Variants in KCNJ18 observed in about 807,000 individuals in gnomAD.
The protein encoded by KCNJ18 is potassium inwardly rectifying channel subfamily J member 18.
In KCNJ18, 16 loss-of-function variants were observed where a neutral mutation model predicts 17.3. That is an observed-to-expected ratio of 0.92 (90% confidence interval 0.62 to 1.40). The LOEUF is 1.40. Ranked by LOEUF, KCNJ18 falls within the 40% of genes most tolerant of loss-of-function variation. KCNJ18 has a pLI of 0.00. For synonymous variants in KCNJ18, 185 were observed against 262.6 expected, an observed-to-expected ratio of 0.70 and a Z score of 2.86; for missense variants, 462 against 626.8, an observed-to-expected ratio of 0.74 and a Z score of 2.81.
rs1204737784 is a variant in KCNJ18, at chr17:21,700,614, T to C, written c.-56-2117T>C. Among the ~76,000 whole-genome samples the C allele has an allele frequency of 7.8e-3, 685 of 88,362 alleles. 21 individuals are homozygous for C. The highest frequency in any genetic ancestry group is 0.041 in the East Asian group (39 of 958). 58.0% of individuals were successfully genotyped at this position (88,362 alleles called of 152,430 possible). ...TGGAGCAGAGCTCAGAGGCCGCGCC[T>C]GCTCCGAGGCCCAGACTAGTGTGGA... On this transcript the variant is annotated intron_variant, in intron 2 of 2. Coordinates refer to ENST00000567955, the MANE Select transcript of KCNJ18 (RefSeq NM_001194958.2).
At chr17:21,696,876 G>A (rs1295036769) in intron 2 of KCNJ18, among the ~76,000 whole-genome samples, 91 of 152,280 alleles carry the variant, frequency 6.0e-4, no homozygotes, top group African/African-American at 2.2e-3. Flanking sequence ...AGGCCCAGGA[G>A]ACAAAGGTTC....
intron 1 of KCNJ18, among the ~76,000 whole-genome samples, chr17:21,695,168 C>A (rs1263906558): frequency 8.5e-5 from 13 of 152,180 alleles, no homozygotes; most frequent in African/African-American, 3.1e-4. Flanking sequence ...CTTATCCATC[C>A]ATCTATCCAA....
Position 21,703,518 on chromosome 17 carries a change from C to A in KCNJ18, c.732C>A (p.Ile244=). 5.0e-6 allele frequency: 8 copies of A among 1,604,938 alleles called. No homozygotes were observed. The South Asian group carries it at 7.8e-5, about 16-fold the overall frequency. ...KPRVTEEGEY[I]PLDQIDIDVG... is the part of the protein sequence containing the mutation. ...GGGTCACCGAGGAGGGCGAGTACAT[C>A]CCGCTGGACCAGATCGACATCGATG... The change falls in exon 3 of 3, where the codon ATC becomes ATA. Residue 244 remains isoleucine, a synonymous_variant. Coordinates refer to ENST00000567955, the MANE Select transcript of KCNJ18 (RefSeq NM_001194958.2).
rs527236158 is a variant in KCNJ18 at position 21,703,847 on chromosome 17, C to T, written c.1061C>T (p.Thr354Met). The T allele has an allele frequency of 2.9e-4, 467 of 1,611,970 alleles. No individual in the cohort carries two copies. The African/African-American group carries it at 5.1e-3, about 17-fold the overall frequency. The stretch of plus-strand genomic sequence containing the variant: ...CACAAGACCTATGAGGTGCCCTCTA[C>T]GCCCCGCTGCAGTGCGAAGGATCTG... ...HFHKTYEVPS[T>M]PRCSAKDLVE... The change falls in exon 3 of 3, where the codon ACG (threonine) becomes ATG (methionine). Residue 354 changes from threonine to methionine, a missense_variant. Physicochemically the swap from Thr to Met is moderately conservative, Grantham distance 81. Transcript: ENST00000567955.
At position 21,704,072 on chromosome 17, in the gene KCNJ18, G is replaced by C. The variant is rs1485306231; in HGVS notation, c.1286G>C (p.Arg429Pro). ...GTCCTGGAGCAGCGGCCCTACAGAC[G>C]GGGGTCAGAGATCTGAGCCAACCTT... ...GGVLEQRPYR[R>P]GSEI The change falls in exon 3 of 3, where the codon CGG (arginine) becomes CCG (proline). Residue 429 changes from arginine to proline, a missense_variant. Arg to Pro is a moderately radical substitution (Grantham distance 103). Around this residue, in one of 5 missense-constraint regions of KCNJ18, gnomAD observed 123 missense variants for 117.5 expected, o/e 1.05. Coordinates refer to ENST00000567955, the MANE Select transcript of KCNJ18 (RefSeq NM_001194958.2). The C allele has an allele frequency of 1.0e-5, 16 of 1,558,298 alleles. No individual in the cohort carries two copies. Among genetic ancestry groups the C allele is most frequent in the South Asian group, 3.7e-5 (3 of 82,154 alleles).
At chr17:21,701,212 G>A (rs1905937886) in intron 2 of KCNJ18, among the ~76,000 whole-genome samples, 2 of 152,334 alleles carry the variant, frequency 1.3e-5, no homozygotes, top group South Asian at 2.1e-4. Flanking sequence ...CACATCAGTG[G>A]CTGAGAGCAG....
chr17:21,700,090 A>G (rs1235988334), intron 2 of KCNJ18, among the ~76,000 whole-genome samples: 59 of 152,372 alleles, frequency 3.9e-4, no homozygotes, highest in Non-Finnish European at 7.3e-4. Flanking sequence ...GCACAGCCTC[A>G]GGGGTCCCCC....
intron 2 of KCNJ18, among the ~76,000 whole-genome samples, chr17:21,702,411 C>T (rs1377258251): frequency 3.3e-5 from 5 of 152,040 alleles, no homozygotes; most frequent in South Asian, 2.1e-4. Context: ...AGTTGTGCCC[C>T]GAACTGGCTG....
chr17:21,692,985 C>T (rs1310485653), intron 1 of KCNJ18, among the ~76,000 whole-genome samples: 4 of 152,306 alleles, frequency 2.6e-5, no homozygotes, highest in African/African-American at 7.2e-5. Flanking sequence ...GGATTTCAGC[C>T]CCATCCTCAG....
chr17:21,697,809 G>GGCCCCAGTC (rs1905811144), intron 2 of KCNJ18, among the ~76,000 whole-genome samples: 1 of 152,312 alleles, frequency 6.6e-6, no homozygotes, highest in Non-Finnish European at 1.5e-5. Flanking sequence ...AGGCCCCAGT[G>GGCCCCAGTC]CTGCATCTGA....
At position 21,692,672 on chromosome 17, in the gene KCNJ18, A is replaced by G. The variant is rs1905634692; in HGVS notation, c.-221A>G. ...GCTGCATCGTCTCTGTGGGACAGAT[A>G]CTGAAGCCAGGGCTTGGCTTACCCT... is the stretch of plus-strand genomic sequence containing the variant. On this transcript the variant is annotated 5_prime_UTR_variant, in exon 1 of 3. The change creates a new upstream start codon in the 5' untranslated region. Coordinates refer to ENST00000567955, the MANE Select transcript of KCNJ18 (RefSeq NM_001194958.2). 1 of 152,672 alleles carries G rather than the reference A, an allele frequency of 6.5e-6. No homozygotes were observed. The highest frequency in any genetic ancestry group is 2.4e-5 in the African/African-American group (1 of 41,494). The allele number at this position is 152,672 out of a possible 1,614,324, so 9.5% of individuals were successfully genotyped here.
intron 2 of KCNJ18, among the ~76,000 whole-genome samples, chr17:21,701,956 G>T (rs1597757482): frequency 6.6e-6 from 1 of 152,324 alleles, no homozygotes; most frequent in East Asian, 1.9e-4. Flanking sequence ...AAAAGAAAAT[G>T]TGCTACCCTT....
Position 21,702,967 on chromosome 17 carries a change from G to A in KCNJ18, c.181G>A (p.Asp61Asn). 1 of 1,595,652 alleles carries A rather than the reference G, an allele frequency of 6.3e-7. No homozygotes were observed. The highest frequency in any genetic ancestry group is 8.5e-7 in the Non-Finnish European group (1 of 1,172,984). The stretch of plus-strand genomic sequence containing the variant: ...GTGCAACATTGCGTTCGCCAACATG[G>A]ACGAGAAGTCACAGCGCTACCTGGC... ...GQCNIAFANM[D>N]EKSQRYLADM... The change falls in exon 3 of 3, where the codon GAC becomes AAC. Residue 61 changes from aspartate to asparagine, a missense_variant. This residue lies in a region of KCNJ18 where 237 missense variants were observed against 259.4 expected (regional missense o/e 0.91). Transcript: ENST00000567955.
chr17:21,697,259 TG>T, intron 2 of KCNJ18, among the ~76,000 whole-genome samples: 1 of 152,426 alleles, frequency 6.6e-6, no homozygotes, highest in South Asian at 2.1e-4. Flanking sequence ...CACCACCCCA[TG>T]CCCTGCACAC....
At chr17:21,694,268 G>A (rs1381465568) in intron 1 of KCNJ18, among the ~76,000 whole-genome samples, 2 of 152,036 alleles carry the variant, frequency 1.3e-5, no homozygotes, top group African/African-American at 4.8e-5. Context: ...GAGGTGAGAA[G>A]CATGTCAGGT....
At chr17:21,696,602 A>G (rs1905766258) in intron 2 of KCNJ18, among the ~76,000 whole-genome samples, 1 of 152,172 alleles carries the variant, frequency 6.6e-6, no homozygotes. Flanking sequence ...GCTTGGTCAG[A>G]GATGGGGCCT....
chr17:21,696,282 C>T (rs1905756933), intron 2 of KCNJ18, among the ~76,000 whole-genome samples, 178 bp downstream of exon 2: 1 of 151,956 alleles, frequency 6.6e-6, no homozygotes, highest in Admixed American at 6.6e-5. Context: ...TCCATCCATC[C>T]CCTCGCCCAT....
In KCNJ18 at chr17:21,702,882, C is replaced by T. The variant is rs1324286302; in HGVS notation, c.96C>T (p.Gly32=). Residue 32 remains glycine (G), a synonymous_variant, in exon 3 of 3, where the codon GGC becomes GGT. Transcript: ENST00000567955. ...LVTMSGANGF[G]NGKVHTRRRC... is the part of the protein sequence containing the mutation. ...CCATGTCGGGCGCCAACGGCTTCGGCAACGGCAAGGTGCACACGCGGCGCA... is the reference window on the plus strand; with the variant it reads ...CCATGTCGGGCGCCAACGGCTTCGGTAACGGCAAGGTGCACACGCGGCGCA... 108 of 1,600,034 alleles carry T rather than the reference C, an allele frequency of 6.7e-5. 2 individuals carry two copies. In the South Asian group the frequency reaches 1.1e-3, roughly 16 times the overall value.
rs1157488281 is a variant in KCNJ18 at position 21,703,521 on chromosome 17, G to A, written c.735G>A (p.Pro245=). Residue 245 remains proline, a synonymous_variant, in exon 3 of 3, where the codon CCG becomes CCA. Transcript: ENST00000567955. ...TCACCGAGGAGGGCGAGTACATCCC[G>A]CTGGACCAGATCGACATCGATGTGG... ...PRVTEEGEYI[P]LDQIDIDVGF... 5.3e-4 allele frequency: 849 copies of A among 1,604,876 alleles called. 1 individual carries two copies. The East Asian group carries it at 0.016, about 31-fold the overall frequency.
Sources: allele counts gnomAD v4.1 joint callset (sites outside exome capture counted in the v4.1 genomes callset), GRCh38; gene constraint gnomAD v4.1.1; regional missense constraint gnomAD v4.1.1; transcripts MANE v1.5; gene names NCBI Gene and HGNC (gene_info 2026-07-23, HGNC 2026-07-21).